Variants in CPM observed in about 807,000 individuals in gnomAD.
CPM encodes carboxypeptidase M.
In CPM, 35 loss-of-function variants were observed where a neutral mutation model predicts 46.4. The ratio of observed to expected loss-of-function variants is 0.75; its 90% CI spans 0.58 to 1.00. The LOEUF is 1.00. Ranked by LOEUF, CPM falls within the 50% of genes least tolerant of loss-of-function variation. The pLI, the probability that CPM is intolerant of heterozygous loss-of-function variation, is 0.00. For synonymous variants in CPM, 195 were observed against 195.3 expected, an observed-to-expected ratio of 1.00 and a Z score of 0.01; for missense variants, 422 against 530.4, an observed-to-expected ratio of 0.80 and a Z score of 2.01.
In CPM at chr12:68,909,867, A is replaced by G. The variant is rs377329431; in HGVS notation, c.160+22811T>C. On this transcript the variant is annotated intron_variant, in intron 2 of 8. Coordinates refer to ENST00000551568, the MANE Select transcript of CPM (RefSeq NM_198320.5). ...GGGGGGCTACGGGAGGGATAACATT[A>G]GGAGAAATACCTAATGTAGGTGACG... 4.3e-4 allele frequency among the ~76,000 whole-genome samples: 65 copies of G among 151,946 alleles called. 2 individuals carry two copies. In the East Asian group the frequency reaches 4.8e-3, roughly 11 times the overall value.
intron 2 of CPM, among the ~76,000 whole-genome samples, chr12:68,906,771 G>A (rs73146644): frequency 0.013 from 2,003 of 152,242 alleles, 23 homozygotes; most frequent in Non-Finnish European, 0.023. Context: ...GCGCCACTGT[G>A]GATTTTCATA....
intron 1 of CPM, among the ~76,000 whole-genome samples, chr12:68,961,158 A>C (rs563346611): frequency 6.6e-5 from 10 of 151,804 alleles, no homozygotes; most frequent in Non-Finnish European, 1.0e-4. Context: ...TCTTAAAAAA[A>C]TTTTTTTTTG....
chr12:68,879,346 G>A (rs538331376), intron 3 of CPM, among the ~76,000 whole-genome samples: 2 of 152,198 alleles, frequency 1.3e-5, no homozygotes, highest in South Asian at 4.2e-4. Context: ...TGTTACTAGG[G>A]TTGGCTTAAA....
At chr12:68,903,238 T>C (rs1887190166) in intron 2 of CPM, among the ~76,000 whole-genome samples, 1 of 152,256 alleles carries the variant, frequency 6.6e-6, no homozygotes. Flanking sequence ...TTTCCTGAGC[T>C]GAAGACAGTA....
Position 68,869,501 on chromosome 12 carries a change from T to C in CPM, c.617-6A>G, listed in dbSNP as rs1183334806. 1.3e-6 allele frequency: 2 copies of C among 1,597,522 alleles called. No homozygotes were observed. The highest frequency in any genetic ancestry group is 1.7e-6 in the Non-Finnish European group (2 of 1,171,614). On this transcript the variant is annotated splice_region_variant and splice_polypyrimidine_tract_variant and intron_variant, in intron 5 of 8. Transcript: ENST00000551568. ...GGAGTATAATGCCCCAGTTGCTGCA[T>C]TTAAAAGATGAACCAAGACCTTTAA...
At chr12:68,927,070 T>A (rs1888298065) in intron 2 of CPM, among the ~76,000 whole-genome samples, 1 of 152,074 alleles carries the variant, frequency 6.6e-6, no homozygotes, top group Non-Finnish European at 1.5e-5. Context: ...GTCCTTTGGG[T>A]ATATACCCAG....
chr12:68,868,691 G>A (rs1885563925), intron 6 of CPM, among the ~76,000 whole-genome samples: 1 of 152,104 alleles, frequency 6.6e-6, no homozygotes, highest in South Asian at 2.1e-4. Flanking sequence ...AGAACTGGGG[G>A]CCCTCCTCCC....
chr12:68,960,639 G>C (rs1889095641), intron 1 of CPM, among the ~76,000 whole-genome samples: 1 of 151,948 alleles, frequency 6.6e-6, no homozygotes, highest in Non-Finnish European at 1.5e-5. Flanking sequence ...TAATTCGCAG[G>C]GCCCAGTGCA....
chr12:68,949,352 C>T lies in CPM; in HGVS notation c.-4+13817G>A, dbSNP rs554114520. On this transcript the variant is annotated intron_variant, in intron 1 of 8. Coordinates refer to the CPM transcript ENST00000546373. ...TACCACAGCACTTTAGTCTAAGCAACGGAGCAAAACCCTGTCTCAGAAATA... is the reference window on the plus strand; with the variant it reads ...TACCACAGCACTTTAGTCTAAGCAATGGAGCAAAACCCTGTCTCAGAAATA... Among the ~76,000 whole-genome samples, 8 of 152,212 alleles carry T rather than the reference C, an allele frequency of 5.3e-5. No individual in the cohort carries two copies. The South Asian group carries it at 8.3e-4, about 16-fold the overall frequency.
At chr12:68,866,252 G>A (rs551087060) in intron 7 of CPM, among the ~76,000 whole-genome samples, 90 of 152,320 alleles carry the variant, frequency 5.9e-4, no homozygotes, top group Admixed American at 2.7e-3. Flanking sequence ...ATGTAACAGA[G>A]TAGCAGCCTA....
At position 68,871,919 on chromosome 12, in the gene CPM, T is replaced by C. The variant is rs200159655; in HGVS notation, c.296A>G (p.Tyr99Cys). 410 of 1,614,074 alleles carry C rather than the reference T, an allele frequency of 2.5e-4. No homozygotes were observed. The highest frequency in any genetic ancestry group is 2.3e-3 in the Middle Eastern group (14 of 6,062). Residue 99 changes from tyrosine to cysteine, a missense_variant, in exon 4 of 9, where the codon TAT becomes TGT. Tyr to Cys is a radical substitution (Grantham distance 194). Transcript: ENST00000551568. Reference protein sequence around the residue: ...GRELLLHLIDYLVTSDGKDPE... With the variant: ...GRELLLHLIDCLVTSDGKDPE... ...GTCTTTGCCATCACTGGTTACGAGA[T>C]AGTCAATCAGATGGAGCAGCAGCTC...
At chr12:68,886,448 CA>C (rs1443220346) in intron 2 of CPM, among the ~76,000 whole-genome samples, 2 of 151,974 alleles carry the variant, frequency 1.3e-5, no homozygotes, top group African/African-American at 4.8e-5. Flanking sequence ...CTGGCTAACA[CA>C]GTGAAATCCC....
chr12:68,945,475 G>A (rs1888830920), intron 1 of CPM, among the ~76,000 whole-genome samples: 1 of 152,190 alleles, frequency 6.6e-6, no homozygotes, highest in African/African-American at 2.4e-5. Flanking sequence ...ATGGGAAAAG[G>A]CTGACAACTG....
chr12:68,857,662 C>T (rs187133350), intron 8 of CPM, among the ~76,000 whole-genome samples: 3 of 152,218 alleles, frequency 2.0e-5, no homozygotes, highest in Admixed American at 2.0e-4. Flanking sequence ...TACATAACCA[C>T]TCATTGGTAT....
intron 2 of CPM, among the ~76,000 whole-genome samples, chr12:68,915,215 A>AT (rs1384228423): frequency 6.6e-6 from 1 of 152,026 alleles, no homozygotes; most frequent in Non-Finnish European, 1.5e-5. Flanking sequence ...TGAACAATCT[A>AT]TTTTTTTCTT....
At chr12:68,962,012 AAC>A (rs1438720338) in intron 1 of CPM, among the ~76,000 whole-genome samples, 1 of 152,012 alleles carries the variant, frequency 6.6e-6, no homozygotes, top group East Asian at 1.9e-4. Context: ...CATCCTGGCT[AAC>A]GCGGTGAAAC....
chr12:68,863,450 A>C (rs7970157), intron 7 of CPM, among the ~76,000 whole-genome samples: 1 of 152,124 alleles, frequency 6.6e-6, no homozygotes, highest in Non-Finnish European at 1.5e-5. Context: ...CCCTCATCTC[A>C]ACTTGAACCT....
chr12:68,870,490 G>A lies in CPM; in HGVS notation c.432-91C>T, dbSNP rs1031821088. On this transcript the variant is annotated intron_variant, in intron 4 of 8. Coordinates refer to ENST00000551568, the MANE Select transcript of CPM (RefSeq NM_198320.5). ...TTGCCCTTTGGTTTAGGCTCCAGGT[G>A]TCTTTCCAAACGTGAGTATGGGTGT... The A allele has an allele frequency of 5.1e-6, 6 of 1,183,532 alleles. No homozygotes were observed. In the Admixed American group the frequency reaches 1.1e-4, roughly 22 times the overall value. 73.3% of individuals were successfully genotyped at this position (1,183,532 alleles called of 1,614,324 possible).
chr12:68,884,204 C>T lies in CPM; in HGVS notation c.258+1588G>A, dbSNP rs182161741. 3.5e-3 allele frequency among the ~76,000 whole-genome samples: 532 copies of T among 150,968 alleles called. 1 individual carries two copies. Among genetic ancestry groups the T allele is most frequent in the African/African-American group, 0.012 (508 of 41,138 alleles). On this transcript the variant is annotated intron_variant, in intron 3 of 8. Coordinates refer to ENST00000551568, the MANE Select transcript of CPM (RefSeq NM_198320.5). ...TAGCAAAAGGGAAACGCAGTCTGAG[C>T]TGCTGTCTATAACGAACAGTTGTTT...
Sources: allele counts gnomAD v4.1 joint callset (sites outside exome capture counted in the v4.1 genomes callset), GRCh38; gene constraint gnomAD v4.1.1; transcripts MANE v1.5; gene names NCBI Gene and HGNC (gene_info 2026-07-23, HGNC 2026-07-21).